Variants in KCNH7 observed in about 807,000 individuals in gnomAD.
KCNH7 encodes the protein voltage-gated inwardly rectifying potassium channel KCNH7.
Under a neutral mutation model 120.8 loss-of-function variants are expected in KCNH7, and 49 were observed. The ratio of observed to expected loss-of-function variants is 0.41; its 90% CI spans 0.32 to 0.51. The LOEUF is 0.51. Ranked by LOEUF, KCNH7 falls within the 20% of genes least tolerant of loss-of-function variation. The probability of loss-of-function intolerance (pLI) is 0.38; values close to 1 mark genes in which losing one functional copy is unlikely to be tolerated. For synonymous variants in KCNH7, 547 were observed against 516.1 expected (o/e 1.06, Z -0.81); for missense variants, 1,097 against 1,446.6 (o/e 0.76, Z 3.92).
At chr2:162,549,894 G>A (rs1352651968) in intron 2 of KCNH7, among the ~76,000 whole-genome samples, 1 of 152,122 alleles carries the variant, frequency 6.6e-6, no homozygotes, top group Non-Finnish European at 1.5e-5. Context: ...AGTTAAGAAG[G>A]CCATGTACCC....
chr2:162,434,746 A>G (rs1156252617), intron 8 of KCNH7, among the ~76,000 whole-genome samples: 1 of 151,936 alleles, frequency 6.6e-6, no homozygotes, highest in Non-Finnish European at 1.5e-5. Flanking sequence ...TATGTATATG[A>G]AAGATCAGTT....
chr2:162,453,428 G>A (rs1688841817), intron 6 of KCNH7, among the ~76,000 whole-genome samples: 1 of 152,140 alleles, frequency 6.6e-6, no homozygotes, highest in African/African-American at 2.4e-5. Flanking sequence ...GAACATACAT[G>A]TGCATGTGTC....
intron 2 of KCNH7, among the ~76,000 whole-genome samples, chr2:162,540,333 A>G (rs1001825612): frequency 1.3e-5 from 2 of 151,590 alleles, no homozygotes; most frequent in African/African-American, 2.4e-5. Flanking sequence ...CCAAAGTGGA[A>G]AAGACTGTTT....
chr2:162,615,752 C>G (rs538978161), intron 2 of KCNH7, among the ~76,000 whole-genome samples: 120 of 151,902 alleles, frequency 7.9e-4, no homozygotes, highest in Non-Finnish European at 1.3e-3. Context: ...TTGTTTCACT[C>G]TATTTTTTTT....
chr2:162,837,806 A>G (rs1464384725), intron 1 of KCNH7, among the ~76,000 whole-genome samples: 1 of 152,138 alleles, frequency 6.6e-6, no homozygotes, highest in African/African-American at 2.4e-5. Flanking sequence ...CTAGATGGAA[A>G]TTTTAAGGGG....
At chr2:162,562,728 A>T (rs1693117773) in intron 2 of KCNH7, among the ~76,000 whole-genome samples, 1 of 152,150 alleles carries the variant, frequency 6.6e-6, no homozygotes. Flanking sequence ...CAATAAAGCG[A>T]TGGAATCTTG....
At chr2:162,622,191 C>T (rs771551700) in intron 2 of KCNH7, among the ~76,000 whole-genome samples, 2 of 152,182 alleles carry the variant, frequency 1.3e-5, no homozygotes, top group Non-Finnish European at 2.9e-5. Flanking sequence ...CCCAGAGGAG[C>T]TGTGCCTTGC....
chr2:162,678,432 A>G (rs993189340), intron 2 of KCNH7, among the ~76,000 whole-genome samples: 84 of 151,514 alleles, frequency 5.5e-4, no homozygotes, highest in African/African-American at 1.9e-3. Flanking sequence ...CTGATCAAAG[A>G]TTTTCATCAA....
chr2:162,590,488 C>G (rs1375775521), intron 2 of KCNH7, among the ~76,000 whole-genome samples: 2 of 152,052 alleles, frequency 1.3e-5, no homozygotes, highest in African/African-American at 2.4e-5. Context: ...CCTAACTTGA[C>G]CTGGACTGGA....
At chr2:162,634,129 T>G (rs1232333833) in intron 2 of KCNH7, among the ~76,000 whole-genome samples, 1 of 152,112 alleles carries the variant, frequency 6.6e-6, no homozygotes, top group Non-Finnish European at 1.5e-5. Context: ...TAGCTGTTAC[T>G]CATCGCTGTG....
intron 2 of KCNH7, among the ~76,000 whole-genome samples, chr2:162,612,185 T>C (rs375056811): frequency 7.9e-5 from 12 of 152,094 alleles, no homozygotes; most frequent in African/African-American, 2.9e-4. Flanking sequence ...AAAAATGCAC[T>C]AAAATACAGA....
intron 9 of KCNH7, among the ~76,000 whole-genome samples, chr2:162,415,115 C>T (rs1034574182): frequency 6.6e-6 from 1 of 151,728 alleles, no homozygotes; most frequent in Non-Finnish European, 1.5e-5. Context: ...AACAACTTTT[C>T]TAATTGCCCA....
chr2:162,836,895 G>T, intron 1 of KCNH7, 128 bp from the exon 2 acceptor site: 1 of 596,812 alleles, frequency 1.7e-6, no homozygotes, highest in Non-Finnish European at 2.9e-6. Flanking sequence ...AATCTCTCCA[G>T]CCCTTATGAA....
chr2:162,444,362 C>T (rs1301822885), intron 7 of KCNH7, among the ~76,000 whole-genome samples: 1 of 152,180 alleles, frequency 6.6e-6, no homozygotes, highest in East Asian at 1.9e-4. Context: ...AAGAGTAATG[C>T]AGAAAATAGA....
intron 2 of KCNH7, among the ~76,000 whole-genome samples, chr2:162,832,614 T>C (rs1429881416): frequency 2.0e-5 from 3 of 152,128 alleles, no homozygotes; most frequent in Non-Finnish European, 4.4e-5. Flanking sequence ...TGGAAATGAA[T>C]ATTAGTCACT....
At chr2:162,771,173 T>C (rs1259643282) in intron 2 of KCNH7, among the ~76,000 whole-genome samples, 2 of 152,144 alleles carry the variant, frequency 1.3e-5, no homozygotes, top group Non-Finnish European at 2.9e-5. Context: ...AGCACATTAC[T>C]GGCTCCTTGA....
chr2:162,829,330 C>G (rs1453497248), intron 2 of KCNH7, among the ~76,000 whole-genome samples: 2 of 152,090 alleles, frequency 1.3e-5, no homozygotes, highest in Non-Finnish European at 2.9e-5. Flanking sequence ...TTTACATTTT[C>G]AATTGCCATT....
chr2:162,519,912 A>C lies in KCNH7; in HGVS notation c.464-1754T>G, dbSNP rs574687166. Reference sequence around the variant, plus strand: ...TTCTAAAACATGGAAGAACACTCTCAAAACTCATGAACATTTCTCCATTTT... The same window carrying C: ...TTCTAAAACATGGAAGAACACTCTCCAAACTCATGAACATTTCTCCATTTT... On this transcript the variant is annotated intron_variant, in intron 3 of 15. Transcript: ENST00000332142. 1.2e-3 allele frequency among the ~76,000 whole-genome samples: 176 copies of C among 151,880 alleles called. 2 individuals carry two copies. The highest frequency in any genetic ancestry group is 1.8e-3 in the Non-Finnish European group (123 of 67,808).
intron 3 of KCNH7, 97 bp downstream of exon 3, chr2:162,536,828 A>G: frequency 8.8e-7 from 1 of 1,131,770 alleles, no homozygotes; most frequent in South Asian, 1.7e-5. Flanking sequence ...TCAAATATAA[A>G]GATATTTTGA....
Sources: gnomAD v4.1 joint callset for allele counts (sites outside exome capture counted in the v4.1 genomes callset) on GRCh38, gnomAD v4.1.1 for gene constraint, MANE v1.5 for transcripts, NCBI Gene and HGNC (gene_info 2026-07-23, HGNC 2026-07-21) for gene names.